The following HPSE2 variants were observed in gnomAD, a reference collection of about 807,000 sequenced individuals.
HPSE2 encodes heparanase 2 (inactive), also known as inactive heparanase-2.
HPSE2 carries 38 observed loss-of-function variants against 60.5 expected under a neutral mutation model. The observed-to-expected ratio is 0.63, with a 90% CI of 0.48 to 0.82. The LOEUF (loss-of-function observed/expected upper bound fraction) is 0.82. Among genes scored for constraint, HPSE2 ranks in the 40% least tolerant of loss-of-function variants. The probability of loss-of-function intolerance (pLI) is 0.00; values close to 1 mark genes in which losing one functional copy is unlikely to be tolerated. For missense variants in HPSE2, 713 were observed against 740.4 expected (o/e 0.96, Z 0.43); for synonymous variants, 295 against 293.2 (o/e 1.01, Z -0.06).
intron 3 of HPSE2, among the ~76,000 whole-genome samples, chr10:98,754,608 G>A (rs771723995): frequency 2.0e-5 from 3 of 151,246 alleles, no homozygotes; most frequent in African/African-American, 7.3e-5. Flanking sequence ...CAGCTAGAGA[G>A]AAGGGGCAGG....
At chr10:98,966,658 G>A (rs1955822350) in intron 3 of HPSE2, among the ~76,000 whole-genome samples, 1 of 152,142 alleles carries the variant, frequency 6.6e-6, no homozygotes, top group South Asian at 2.1e-4. Flanking sequence ...CCTCAACTCA[G>A]CTGACATTAA....
chr10:98,530,091 A>G (rs1943084454), intron 9 of HPSE2, among the ~76,000 whole-genome samples: 1 of 152,158 alleles, frequency 6.6e-6, no homozygotes, highest in Non-Finnish European at 1.5e-5. Flanking sequence ...AAACCTGCAG[A>G]GCAAATTGGT....
At chr10:99,261,369 G>A in the HPSE2 span, among the ~76,000 whole-genome samples, 4,249 of 152,144 alleles carry the variant, frequency 0.028, 196 homozygotes, top group African/African-American at 0.097. Context: ...TTACAGTTTC[G>A]TTCCTCGAAT....
intron 5 of HPSE2, among the ~76,000 whole-genome samples, chr10:98,701,154 G>A (rs1948396025): frequency 1.3e-5 from 1 of 76,184 alleles, no homozygotes; most frequent in African/African-American, 3.3e-5. Flanking sequence ...ATACCCAAAG[G>A]ACTATAAATC....
chr10:98,652,046 C>G (rs1051155209), intron 6 of HPSE2, among the ~76,000 whole-genome samples: 3 of 152,302 alleles, frequency 2.0e-5, no homozygotes, highest in African/African-American at 7.2e-5. Flanking sequence ...GCTGGGATTA[C>G]ATGTGTGAGC....
chr10:98,988,401 T>G (rs1956429476), intron 3 of HPSE2, among the ~76,000 whole-genome samples: 2 of 152,230 alleles, frequency 1.3e-5, no homozygotes, highest in South Asian at 4.1e-4. Flanking sequence ...GGGAAAGGAT[T>G]CCCTATTTAA....
At chr10:98,689,558 C>G (rs1948019887) in intron 6 of HPSE2, among the ~76,000 whole-genome samples, 2 of 152,170 alleles carry the variant, frequency 1.3e-5, no homozygotes, top group South Asian at 2.1e-4. Flanking sequence ...CTTTAAAATC[C>G]TTGTCAGCTA....
At chr10:99,161,440 G>C (rs749474482) in intron 2 of HPSE2, among the ~76,000 whole-genome samples, 1 of 152,064 alleles carries the variant, frequency 6.6e-6, no homozygotes, top group Non-Finnish European at 1.5e-5. Context: ...TGTGTCTGGT[G>C]AAAGAAGCCA....
At chr10:99,002,378 G>A (rs571599219) in intron 3 of HPSE2, among the ~76,000 whole-genome samples, 56 of 152,164 alleles carry the variant, frequency 3.7e-4, no homozygotes, top group Admixed American at 1.0e-3. Context: ...TATGGATACC[G>A]AGGAAGGGTA....
At chr10:98,753,218 A>G (rs1394994072) in intron 3 of HPSE2, among the ~76,000 whole-genome samples, 2 of 152,048 alleles carry the variant, frequency 1.3e-5, no homozygotes, top group Admixed American at 1.3e-4. Flanking sequence ...CACTAAAAAA[A>G]TGATAACTAT....
At chr10:99,220,907 G>A (rs1373416426) in intron 2 of HPSE2, among the ~76,000 whole-genome samples, 5 of 143,478 alleles carry the variant, frequency 3.5e-5, no homozygotes, top group African/African-American at 1.3e-4. Flanking sequence ...CCAGGCTGGA[G>A]TGCAACAGCT....
chr10:99,031,466 G>A (rs117637019), intron 3 of HPSE2, among the ~76,000 whole-genome samples: 9 of 152,284 alleles, frequency 5.9e-5, no homozygotes, highest in Non-Finnish European at 1.2e-4. Context: ...CAAGGAGTTA[G>A]TGAATACTCA....
At chr10:98,542,664 A>G (rs1435254900) in intron 9 of HPSE2, among the ~76,000 whole-genome samples, 4 of 151,432 alleles carry the variant, frequency 2.6e-5, no homozygotes, top group Non-Finnish European at 5.9e-5. Context: ...CCAAGGCTCG[A>G]GAACTACGTG....
rs148675038 is a variant in HPSE2 at position 98,459,348 on chromosome 10, T to C, written c.*226A>G. The C allele has an allele frequency of 4.4e-4, 265 of 604,324 alleles. No homozygotes were observed. The East Asian group carries it at 7.5e-3, about 17-fold the overall frequency. The allele number at this position is 604,324 out of a possible 1,614,324, so 37.4% of individuals were successfully genotyped here. A position where few individuals can be genotyped will look rare whatever the true frequency, so the allele number is the denominator to read the frequency against. ...CTATACACATGCCTTTATCCTTATA[T>C]AGGTACAGGTGATGTCTACATTTTC... On this transcript the variant is annotated 3_prime_UTR_variant, in exon 12 of 12. Coordinates refer to ENST00000370552, the MANE Select transcript of HPSE2 (RefSeq NM_021828.5).
At position 98,588,222 on chromosome 10, in the gene HPSE2, A is replaced by C. The variant is rs112230180; in HGVS notation, c.1320+26682T>G. Among the ~76,000 whole-genome samples the C allele has an allele frequency of 4.2e-3, 645 of 152,350 alleles. 3 individuals carry two copies. Among genetic ancestry groups the C allele is most frequent in the African/African-American group, 0.015 (623 of 41,582 alleles). ...AGGTCTGACATAATATTTCACTAGAAGCCTTAGAGAGGATTGAGGATATGA... is the reference window on the plus strand; with the variant it reads ...AGGTCTGACATAATATTTCACTAGACGCCTTAGAGAGGATTGAGGATATGA... On this transcript the variant is annotated intron_variant, in intron 9 of 11. Transcript: ENST00000370552.
chr10:99,167,796 T>G (rs1847141488), intron 2 of HPSE2, among the ~76,000 whole-genome samples: 1 of 152,122 alleles, frequency 6.6e-6, no homozygotes, highest in Admixed American at 6.6e-5. Context: ...CTATGGTTTT[T>G]GGGGATTGAG....
At chr10:98,537,275 G>C (rs1943311244) in intron 9 of HPSE2, among the ~76,000 whole-genome samples, 1 of 152,198 alleles carries the variant, frequency 6.6e-6, no homozygotes, top group Non-Finnish European at 1.5e-5. Context: ...GAAACATCCA[G>C]TTGTTTATGT....
chr10:98,902,110 G>A (rs375360214), intron 3 of HPSE2, among the ~76,000 whole-genome samples: 3 of 152,168 alleles, frequency 2.0e-5, no homozygotes, highest in East Asian at 3.9e-4. Flanking sequence ...ATCTGAATCC[G>A]TAGTCACAAA....
intron 3 of HPSE2, among the ~76,000 whole-genome samples, chr10:98,937,216 G>A (rs888614053): frequency 7.0e-6 from 1 of 143,696 alleles, no homozygotes; most frequent in Non-Finnish European, 1.5e-5. Context: ...TCTCACTAGG[G>A]AGTGCCAGAC....
Sources: gnomAD v4.1 joint callset for allele counts (sites outside exome capture counted in the v4.1 genomes callset) on GRCh38, gnomAD v4.1.1 for gene constraint, MANE v1.5 for transcripts, NCBI Gene and HGNC (gene_info 2026-07-23, HGNC 2026-07-21) for gene names.